GPR157: variants seen among roughly 807,000 people sequenced by gnomAD.
GPR157 encodes the protein G-protein coupled receptor 157.
In GPR157, 16 loss-of-function variants were observed where a neutral mutation model predicts 23.5. The observed-to-expected ratio is 0.68, with a 90% CI of 0.46 to 1.04. The LOEUF (loss-of-function observed/expected upper bound fraction) is 1.04. Among genes scored for constraint, GPR157 ranks in the 50% least tolerant of loss-of-function variants. GPR157 has a pLI of 0.00. For synonymous variants in GPR157, 200 were observed against 221.5 expected (o/e 0.90, Z 0.86); for missense variants, 440 against 460.7 (o/e 0.96, Z 0.41).
chr1:9,116,303 A>G (rs1372836222), intron 1 of GPR157, among the ~76,000 whole-genome samples: 1 of 13,758 alleles, frequency 7.3e-5, no homozygotes, highest in African/African-American at 5.7e-4. Context: ...AATTATATAT[A>G]TTATATTATA....
intron 2 of GPR157, among the ~76,000 whole-genome samples, chr1:9,106,465 CT>C (rs988523214): frequency 1.3e-5 from 2 of 152,208 alleles, no homozygotes; most frequent in African/African-American, 4.8e-5. Flanking sequence ...GGGGCCAACC[CT>C]TATGGTCACA....
intron 1 of GPR157, among the ~76,000 whole-genome samples, chr1:9,123,174 A>AAATAT (rs1553175764): frequency 2.6e-5 from 3 of 117,088 alleles, no homozygotes; most frequent in African/African-American, 3.4e-5. Flanking sequence ...AAAAAAAAAA[A>AAATAT]ATATATATAT....
intron 1 of GPR157, among the ~76,000 whole-genome samples, chr1:9,116,182 A>ATATATAT (rs1638636626): frequency 5.4e-4 from 3 of 5,530 alleles, no homozygotes; most frequent in African/African-American, 1.3e-3. Flanking sequence ...TATATATATT[A>ATATATAT]TATATATAAT....
rs1216971340 is a variant in GPR157, at chr1:9,111,393, G to A, written c.480C>T (p.Asp160=). Residue 160 remains aspartate (D), a synonymous_variant, in exon 2 of 4, where the codon GAC becomes GAT. Transcript: ENST00000377411. The stretch of plus-strand genomic sequence containing the variant: ...ACAGGACATGGTCCTTGGCCTCCAG[G>A]TCGATCCAGCACCAGCCCACAGACA... ...SDVSVGWCWI[D]LEAKDHVLWM... The A allele has an allele frequency of 4.3e-6, 7 of 1,614,036 alleles. No homozygotes were observed. The highest frequency in any genetic ancestry group is 2.7e-5 in the African/African-American group (2 of 74,912).
chr1:9,111,137 C>G (rs1638480950), intron 2 of GPR157, 139 bp downstream of exon 2: 1 of 743,582 alleles, frequency 1.3e-6, no homozygotes, highest in African/African-American at 1.7e-5. Context: ...ACAGTAAGTG[C>G]CTGGTCCCCT....
chr1:9,104,506 C>G lies in GPR157; in HGVS notation c.921G>C (p.Pro307=). 1 of 1,613,758 alleles carries G rather than the reference C, an allele frequency of 6.2e-7. No individual in the cohort carries two copies. The highest frequency in any genetic ancestry group is 8.5e-7 in the Non-Finnish European group (1 of 1,179,956). Residue 307 remains proline, a synonymous_variant, in exon 4 of 4, where the codon CCG becomes CCC. Transcript: ENST00000377411. ...CCSSQPPTKS[P]AGTPKAPAPS... is the part of the protein sequence containing the mutation. Reference sequence around the variant, plus strand: ...GCGCGGGAGCCTTGGGAGTGCCAGCCGGGCTCTTGGTGGGAGGCTGAGAAG... The same window carrying G: ...GCGCGGGAGCCTTGGGAGTGCCAGCGGGGCTCTTGGTGGGAGGCTGAGAAG...
rs1434009725 is a variant in GPR157 at position 9,128,190 on chromosome 1, C to T, written c.383+455G>A. The T allele has an allele frequency of 8.9e-6, 4 of 447,224 alleles. No homozygotes were observed. Among genetic ancestry groups the T allele is most frequent in the East Asian group, 6.7e-5 (1 of 14,978 alleles). The allele number at this position is 447,224 out of a possible 1,614,324, so 27.7% of individuals were successfully genotyped here. On this transcript the variant is annotated intron_variant, in intron 1 of 3. Transcript: ENST00000377411. This position sits in a 1 kb window ranked among gnomAD's most constrained non-coding sequence, Gnocchi z 6.3. ...ACGGCAGCTCGGGAGTGGCGGAGTG[C>T]ACCAAGCTCACTGTGGCTTGGGGTG... is the stretch of plus-strand genomic sequence containing the variant.
At position 9,106,906 on chromosome 1, in the gene GPR157, G is replaced by A. The variant is rs144606085; in HGVS notation, c.598-1226C>T. On this transcript the variant is annotated intron_variant, in intron 2 of 3. Transcript: ENST00000377411. Reference sequence around the variant, plus strand: ...TTGAACCTGGGAGATGGAGGTTGCAGTGAGCCAAGATCGCGCCACTGCACT... The same window carrying A: ...TTGAACCTGGGAGATGGAGGTTGCAATGAGCCAAGATCGCGCCACTGCACT... Among the ~76,000 whole-genome samples, 63 of 152,270 alleles carry A rather than the reference G, an allele frequency of 4.1e-4. 1 individual carries two copies. The East Asian group carries it at 9.1e-3, about 22-fold the overall frequency.
At position 9,105,614 on chromosome 1, in the gene GPR157, T is replaced by C. The variant is rs1012912570; in HGVS notation, c.664A>G (p.Met222Val). Residue 222 changes from methionine (M) to valine (V), a missense_variant, in exon 3 of 4, where the codon ATG becomes GTG. Met to Val is a conservative substitution (Grantham distance 21). Coordinates refer to ENST00000377411, the MANE Select transcript of GPR157 (RefSeq NM_024980.5). This position sits in a 1 kb window ranked among gnomAD's most constrained non-coding sequence, Gnocchi z 4.8. ...QEHRLLRHSSMADKKLVLIPL... is the reference protein window; with the variant it reads ...QEHRLLRHSSVADKKLVLIPL... ...ATGAGCACCAGCTTCTTGTCCGCCA[T>C]GGAGGAGTGGCGCAGCAGGCGGTGC... 6.2e-7 allele frequency: 1 copy of C among 1,612,678 alleles called. No individual in the cohort carries two copies. Among genetic ancestry groups the C allele is most frequent in the African/African-American group, 1.3e-5 (1 of 74,898 alleles).
In GPR157 at chr1:9,109,079, AT is replaced by A. The variant is rs35405293; in HGVS notation, c.597+2196del. Among the ~76,000 whole-genome samples the A allele has an allele frequency of 8.4e-3, 1,018 of 121,908 alleles. 14 individuals carry two copies. The highest frequency in any genetic ancestry group is 0.083 in the East Asian group (349 of 4,226). 80.0% of individuals were successfully genotyped at this position (121,908 alleles called of 152,430 possible). On this transcript the variant is annotated intron_variant, in intron 2 of 3. Transcript: ENST00000377411. Reference sequence around the variant, plus strand: ...GCGTGAGCCACCGCACCCGGCCCTAATTTTTTTTTTTTTTTTTTTTTGAGAT... The same window carrying A: ...GCGTGAGCCACCGCACCCGGCCCTAATTTTTTTTTTTTTTTTTTTTGAGAT...
At chr1:9,123,680 T>TATTAAATAATTAAATATTAAAA (rs1638895684) in intron 1 of GPR157, among the ~76,000 whole-genome samples, 1 of 117,746 alleles carries the variant, frequency 8.5e-6, no homozygotes, top group African/African-American at 3.4e-5. Context: ...TAATATTAAA[T>TATTAAATAATTAAATATTAAAA]ATATATTTAA....
chr1:9,119,355 A>AAAC (rs1218939188), intron 1 of GPR157, among the ~76,000 whole-genome samples: 2 of 152,242 alleles, frequency 1.3e-5, no homozygotes, highest in South Asian at 2.1e-4. Context: ...TCAAAAAAAC[A>AAAC]AACAACAACA....
rs1296253252 is a variant in GPR157, at chr1:9,128,071, C to A, written c.383+574G>T. ...CTGAACTCTGGAAAGTCAAGATCATCTAGAACAGAAATACAAGGGGCTGGG... is the reference window on the plus strand; with the variant it reads ...CTGAACTCTGGAAAGTCAAGATCATATAGAACAGAAATACAAGGGGCTGGG... On this transcript the variant is annotated intron_variant, in intron 1 of 3. Coordinates refer to ENST00000377411, the MANE Select transcript of GPR157 (RefSeq NM_024980.5). The surrounding 1 kb of genome is among the most constrained non-coding windows in gnomAD (Gnocchi z 6.3). Among the ~76,000 whole-genome samples the A allele has an allele frequency of 2.0e-5, 3 of 152,284 alleles. No individual in the cohort carries two copies. Among genetic ancestry groups the A allele is most frequent in the Non-Finnish European group, 4.4e-5 (3 of 68,016 alleles).
rs537396513 is a variant in GPR157, at chr1:9,105,082, T to C, written c.792+404A>G. On this transcript the variant is annotated intron_variant, in intron 3 of 3. Transcript: ENST00000377411. This position sits in a 1 kb window ranked among gnomAD's most constrained non-coding sequence, Gnocchi z 4.8. ...ACACACACACACATGCATACACACA[T>C]GCATACATGCACACACATGGGGTAG... is the stretch of plus-strand genomic sequence containing the variant. Among the ~76,000 whole-genome samples, 66 of 130,536 alleles carry C rather than the reference T, an allele frequency of 5.1e-4. No homozygotes were observed. Among genetic ancestry groups the C allele is most frequent in the African/African-American group, 1.9e-3 (64 of 34,174 alleles). 85.6% of individuals were successfully genotyped at this position (130,536 alleles called of 152,430 possible).
In GPR157 at chr1:9,104,195, C is replaced by T. The variant is rs1401690801; in HGVS notation, c.*224G>A. The T allele has an allele frequency of 1.8e-6, 1 of 558,832 alleles. No homozygotes were observed. The highest frequency in any genetic ancestry group is 3.2e-6 in the Non-Finnish European group (1 of 311,118). The allele number at this position is 558,832 out of a possible 1,614,324, so 34.6% of individuals were successfully genotyped here. A position where few individuals can be genotyped will look rare whatever the true frequency, so the allele number is the denominator to read the frequency against. ...CTGCTACCCTTATGCAGATGAACGC[C>T]CACCCGTGGGCCAGGACGCTGGTAC... On this transcript the variant is annotated 3_prime_UTR_variant, in exon 4 of 4. Coordinates refer to ENST00000377411, the MANE Select transcript of GPR157 (RefSeq NM_024980.5).
rs1392614736 is a variant in GPR157 at position 9,118,002 on chromosome 1, G to T, written c.384-6513C>A. On this transcript the variant is annotated intron_variant, in intron 1 of 3. Transcript: ENST00000377411. This position sits in a 1 kb window ranked among gnomAD's most constrained non-coding sequence, Gnocchi z 4.6. ...GTTGGAGGGGTCATCCTGCTGCTCA[G>T]ATGTGGGTGGCTCAGAACAGCCAAT... is the stretch of plus-strand genomic sequence containing the variant. 6.6e-6 allele frequency among the ~76,000 whole-genome samples: 1 copy of T among 152,202 alleles called. No homozygotes were observed.
intron 1 of GPR157, among the ~76,000 whole-genome samples, chr1:9,116,337 A>AT (rs374042273): frequency 1.2e-3 from 12 of 10,354 alleles, no homozygotes; most frequent in East Asian, 0.031. Context: ...AATTATATAT[A>AT]ATTTATATAT....
rs57717142 is a variant in GPR157 at position 9,105,003 on chromosome 1, AC to A, written c.793-370del. 0.017 allele frequency among the ~76,000 whole-genome samples: 1,842 copies of A among 109,554 alleles called. 71 individuals are homozygous for A. Among genetic ancestry groups the A allele is most frequent in the African/African-American group, 0.058 (1,668 of 28,758 alleles). 71.9% of individuals were successfully genotyped at this position (109,554 alleles called of 152,430 possible). A position where few individuals can be genotyped will look rare whatever the true frequency, so the allele number is the denominator to read the frequency against. On this transcript the variant is annotated intron_variant, in intron 3 of 3. Transcript: ENST00000377411. This position sits in a 1 kb window ranked among gnomAD's most constrained non-coding sequence, Gnocchi z 4.8. The stretch of plus-strand genomic sequence containing the variant: ...TGACAAAGCCAGACTCTGTCCCCGC[AC>A]CCCCCCCCAAAAAAGAGAAATGGCT...
At chr1:9,123,514 TATTTA>T (rs1235019857) in intron 1 of GPR157, among the ~76,000 whole-genome samples, 1 of 104,102 alleles carries the variant, frequency 9.6e-6, no homozygotes, top group Non-Finnish European at 1.7e-5. Context: ...TCAAAATATA[TATTTA>T]ATTTAAATAT....
Sources: allele counts gnomAD v4.1 joint callset (sites outside exome capture counted in the v4.1 genomes callset), GRCh38; gene constraint gnomAD v4.1.1; non-coding constraint Gnocchi (gnomAD v3.1); transcripts MANE v1.5; gene names NCBI Gene and HGNC (gene_info 2026-07-23, HGNC 2026-07-21).